CRB1: variants seen among roughly 807,000 people sequenced by gnomAD.
The protein encoded by CRB1 is protein crumbs homolog 1.
A neutral mutation model predicts 120.0 loss-of-function variants in CRB1; 83 were observed. The observed-to-expected ratio is 0.69, with a 90% CI of 0.58 to 0.83. The LOEUF (loss-of-function observed/expected upper bound fraction) is 0.83. Among genes scored for constraint, CRB1 ranks in the 40% least tolerant of loss-of-function variants. The pLI is 0.00. For missense variants in CRB1, 1,699 were observed against 1,687.6 expected, an observed-to-expected ratio of 1.01 and a Z score of -0.12; for synonymous variants, 625 against 612.5, an observed-to-expected ratio of 1.02 and a Z score of -0.30.
At chr1:197,386,306 A>G (rs1223303166) in intron 5 of CRB1, among the ~76,000 whole-genome samples, 2 of 152,138 alleles carry the variant, frequency 1.3e-5, no homozygotes, top group African/African-American at 4.8e-5. Context: ...GCACATAGTA[A>G]GAGCTTTGCA....
intron 1 of CRB1, among the ~76,000 whole-genome samples, chr1:197,311,541 T>G (rs1038194763): frequency 7.9e-5 from 12 of 152,236 alleles, no homozygotes; most frequent in Admixed American, 3.3e-4. Context: ...TAACTCTTGT[T>G]GCAACTACTT....
intron 11 of CRB1, among the ~76,000 whole-genome samples, chr1:197,448,131 TTAA>T (rs1277003344): frequency 2.6e-5 from 4 of 152,222 alleles, no homozygotes; most frequent in African/African-American, 9.6e-5. Flanking sequence ...AGGAACTTAT[TTAA>T]TAGTGTCTTT....
intron 4 of CRB1, among the ~76,000 whole-genome samples, chr1:197,354,738 T>C (rs1333030051): frequency 1.5e-5 from 2 of 135,444 alleles, no homozygotes; most frequent in African/African-American, 2.7e-5. Context: ...GCACAAAGCC[T>C]CCACAGTGTA....
At position 197,347,769 on chromosome 1, in the gene CRB1, T is replaced by C. The variant is rs377529144; in HGVS notation, c.988+290T>C. Reference sequence around the variant, plus strand: ...ATGATCTTCATGGAGAAAAATTCACTGGAAGATGCTCTTTTCTTCCAAGAT... The same window carrying C: ...ATGATCTTCATGGAGAAAAATTCACCGGAAGATGCTCTTTTCTTCCAAGAT... On this transcript the variant is annotated intron_variant, in intron 4 of 11. Coordinates refer to ENST00000367400, the MANE Select transcript of CRB1 (RefSeq NM_201253.3). Among the ~76,000 whole-genome samples the C allele has an allele frequency of 3.3e-5, 5 of 152,230 alleles. No homozygotes were observed. The East Asian group carries it at 7.7e-4, about 23-fold the overall frequency.
chr1:197,260,414 G>A, the CRB1 span, among the ~76,000 whole-genome samples: 1 of 151,756 alleles, frequency 6.6e-6, no homozygotes, highest in African/African-American at 2.4e-5. Flanking sequence ...GTGGGTTAAA[G>A]TCACAAAATT....
chr1:197,279,824 A>C (rs1413622065), intron 1 of CRB1, among the ~76,000 whole-genome samples: 2 of 148,292 alleles, frequency 1.3e-5, no homozygotes, highest in Non-Finnish European at 3.0e-5. Flanking sequence ...GAGATAATAC[A>C]TCTCTAAAGC....
the CRB1 span, among the ~76,000 whole-genome samples, chr1:197,227,393 CTTT>C: frequency 5.8e-5 from 8 of 138,100 alleles, no homozygotes; most frequent in Admixed American, 2.2e-4. Flanking sequence ...TTTTCTTTTT[CTTT>C]TTTTTTTTTT....
the CRB1 span, among the ~76,000 whole-genome samples, chr1:197,255,981 A>ATATATATATATATATG: frequency 1.5e-5 from 2 of 131,214 alleles, no homozygotes; most frequent in African/African-American, 2.8e-5. Context: ...ATATATATAT[A>ATATATATATATATATG]TATATATATA....
chr1:197,459,792 C>A (rs542959882), intron 11 of CRB1, among the ~76,000 whole-genome samples: 5 of 152,156 alleles, frequency 3.3e-5, no homozygotes, highest in African/African-American at 9.6e-5. Flanking sequence ...GAACTCAAAG[C>A]AATACAAACT....
chr1:197,478,050 C>T lies in CRB1; in HGVS notation c.*171C>T. The T allele has an allele frequency of 1.4e-6, 1 of 705,404 alleles. No homozygotes were observed. The highest frequency in any genetic ancestry group is 2.2e-5 in the Admixed American group (1 of 44,884). The allele number at this position is 705,404 out of a possible 1,614,324, so 43.7% of individuals were successfully genotyped here. Reference sequence around the variant, plus strand: ...ACTTTCACAGTGGTTCCGCTCGACACCATTGTTTTATTATATTATATCAGC... The same window carrying T: ...ACTTTCACAGTGGTTCCGCTCGACATCATTGTTTTATTATATTATATCAGC... On this transcript the variant is annotated 3_prime_UTR_variant, in exon 12 of 12. Coordinates refer to ENST00000367400, the MANE Select transcript of CRB1 (RefSeq NM_201253.3).
intron 1 of CRB1, among the ~76,000 whole-genome samples, chr1:197,270,281 C>T (rs1373030066): frequency 6.6e-6 from 1 of 152,106 alleles, no homozygotes. Context: ...AAGATAGATA[C>T]TATCATAGTA....
At chr1:197,428,270 A>G (rs1664700667) in intron 7 of CRB1, among the ~76,000 whole-genome samples, 1 of 152,194 alleles carries the variant, frequency 6.6e-6, no homozygotes, top group Admixed American at 6.5e-5. Flanking sequence ...ACAGCAATCA[A>G]ATTACTTAGG....
At chr1:197,443,943 T>A (rs919614024) in intron 11 of CRB1, 1 of 152,198 alleles carries the variant, frequency 6.6e-6, no homozygotes, top group Non-Finnish European at 1.5e-5. Flanking sequence ...ATCCTATGAA[T>A]TAATTCAGAA....
At chr1:197,318,020 G>T (rs919154023) in intron 1 of CRB1, among the ~76,000 whole-genome samples, 1 of 151,490 alleles carries the variant, frequency 6.6e-6, no homozygotes, top group African/African-American at 2.4e-5. Flanking sequence ...AAACTAAAAA[G>T]CTTCTGCATA....
chr1:197,339,636 T>C (rs1659343487), intron 2 of CRB1, among the ~76,000 whole-genome samples: 1 of 152,174 alleles, frequency 6.6e-6, no homozygotes, highest in South Asian at 2.1e-4. Context: ...CTGCCCACTG[T>C]AAAGAATGAT....
chr1:197,416,824 C>T (rs903507053), intron 5 of CRB1, among the ~76,000 whole-genome samples: 4 of 152,146 alleles, frequency 2.6e-5, no homozygotes, highest in African/African-American at 9.7e-5. Context: ...ATTCTCCCAC[C>T]TCAGCCTCTT....
chr1:197,429,258 C>T (rs1476566375), intron 7 of CRB1, 191 bp from the exon 8 acceptor site: 1 of 1,375,326 alleles, frequency 7.3e-7, no homozygotes, highest in Non-Finnish European at 9.8e-7. Flanking sequence ...ACCACTCTGC[C>T]CTTTTAGAAA....
At chr1:197,282,950 C>G (rs188557756) in intron 1 of CRB1, among the ~76,000 whole-genome samples, 13 of 151,812 alleles carry the variant, frequency 8.6e-5, no homozygotes, top group African/African-American at 2.9e-4. Flanking sequence ...TTCTGCATCA[C>G]AAAAGCCCAG....
At chr1:197,347,585 C>A (rs1045060467) in intron 4 of CRB1, 106 bp downstream of exon 4, 5 of 1,185,108 alleles carry the variant, frequency 4.2e-6, no homozygotes, top group Admixed American at 1.9e-5. Context: ...TGTTTTAAAT[C>A]AATTTCTTCT....
Sources: gnomAD v4.1 joint callset for allele counts (sites outside exome capture counted in the v4.1 genomes callset) on GRCh38, gnomAD v4.1.1 for gene constraint, MANE v1.5 for transcripts, NCBI Gene and HGNC (gene_info 2026-07-23, HGNC 2026-07-21) for gene names.